MED12L: variants seen among roughly 807,000 people sequenced by gnomAD.
MED12L encodes mediator complex subunit 12L, also known as mediator of RNA polymerase II transcription subunit 12-like protein.
A neutral mutation model predicts 281.3 loss-of-function variants in MED12L; 60 were observed. That is an observed-to-expected ratio of 0.21 (90% CI 0.17 to 0.26). The LOEUF (loss-of-function observed/expected upper bound fraction) is 0.26, where lower values mean the gene tolerates loss of function less well. MED12L is among the 10% of genes least tolerant of loss of function. The pLI is 1.00. For missense variants in MED12L, 2,146 were observed against 2,680.9 expected (o/e 0.80, Z 4.41); for synonymous variants, 974 against 987.2 (o/e 0.99, Z 0.25).
At chr3:151,188,763 T>C (rs1723586517) in intron 13 of MED12L, among the ~76,000 whole-genome samples, 1 of 152,198 alleles carries the variant, frequency 6.6e-6, no homozygotes, top group Non-Finnish European at 1.5e-5. Context: ...TGAATGTGAT[T>C]TGGAATTTTC....
chr3:151,171,030 A>C (rs1056959438), intron 11 of MED12L, among the ~76,000 whole-genome samples: 7 of 152,248 alleles, frequency 4.6e-5, no homozygotes, highest in African/African-American at 1.7e-4. Flanking sequence ...AATACTGTGC[A>C]GCCAGGCAGT....
intron 11 of MED12L, among the ~76,000 whole-genome samples, chr3:151,181,130 T>C (rs1203531851): frequency 2.6e-5 from 4 of 152,146 alleles, no homozygotes; most frequent in African/African-American, 9.7e-5. Context: ...AATCCTAGGC[T>C]TATTTCATAT....
At chr3:151,315,536 T>C (rs968731682) in intron 16 of MED12L, among the ~76,000 whole-genome samples, 1 of 152,194 alleles carries the variant, frequency 6.6e-6, no homozygotes, top group African/African-American at 2.4e-5. Context: ...CCTTAACCCA[T>C]GTATACCTGC....
At position 151,159,975 on chromosome 3, in the gene MED12L, G is replaced by A. The variant is rs761724556; in HGVS notation, c.981G>A (p.Ser327=). 1.7e-5 allele frequency: 28 copies of A among 1,614,174 alleles called. No individual in the cohort carries two copies. The highest frequency in any genetic ancestry group is 4.5e-5 in the East Asian group (2 of 44,882). The change falls in exon 8 of 45, where the codon TCG becomes TCA. Residue 327 remains serine, a synonymous_variant. Transcript: ENST00000687756. The part of the protein sequence containing the change: ...SPHMMIGPNN[S]SIGAPSPGPP... ...ACATGATGATAGGACCAAACAACTC[G>A]AGTATCGGGGCCCCCAGCCCTGGCC...
Position 151,401,879 on chromosome 3 carries a change from C to CT in MED12L, c.5820+7013dup, listed in dbSNP as rs553369686. On this transcript the variant is annotated intron_variant, in intron 39 of 44. Transcript: ENST00000687756. The stretch of plus-strand genomic sequence containing the variant: ...CTTATTACTTATATCTGGTATTTCT[C>CT]TGTTTATTTGAATGATGAGGAAGGT... Among the ~76,000 whole-genome samples, 8 of 152,138 alleles carry CT rather than the reference C, an allele frequency of 5.3e-5. No homozygotes were observed. The East Asian group carries it at 1.5e-3, about 29-fold the overall frequency.
At chr3:151,348,194 A>G (rs561640037) in intron 16 of MED12L, among the ~76,000 whole-genome samples, 1 of 152,264 alleles carries the variant, frequency 6.6e-6, no homozygotes, top group Admixed American at 6.5e-5. Context: ...CAGCCTTCAC[A>G]TGGACATTTA....
chr3:151,269,440 C>CACACAA (rs1315138289), intron 16 of MED12L: 6 of 220,756 alleles, frequency 2.7e-5, no homozygotes, highest in African/African-American at 1.5e-4. Flanking sequence ...CACACACACA[C>CACACAA]AAAATTCAGA....
intron 16 of MED12L, among the ~76,000 whole-genome samples, chr3:151,249,723 A>G (rs1359814779): frequency 6.6e-6 from 1 of 152,114 alleles, no homozygotes; most frequent in Non-Finnish European, 1.5e-5. Flanking sequence ...ATCTGGTTTC[A>G]CAACATTCTG....
Position 151,337,896 on chromosome 3 carries a change from T to C in MED12L, c.2251-12163T>C, listed in dbSNP as rs754141331. 1.1e-5 allele frequency: 17 copies of C among 1,614,150 alleles called. No homozygotes were observed. Among genetic ancestry groups the C allele is most frequent in the Middle Eastern group, 1.6e-4 (1 of 6,062 alleles). ...GTCCTGGGACAGAGATGTTGCAGAA[T>C]TGGGGCACTTCAGCATACTTATCAA... On this transcript the variant is annotated intron_variant, in intron 16 of 44. Coordinates refer to ENST00000687756, the MANE Select transcript of MED12L (RefSeq NM_001393769.1).
At chr3:151,275,574 G>A (rs1741713327) in intron 16 of MED12L, among the ~76,000 whole-genome samples, 1 of 152,156 alleles carries the variant, frequency 6.6e-6, no homozygotes, top group African/African-American at 2.4e-5. Context: ...GGATTGAGAA[G>A]CTTTGCTGTG....
intron 5 of MED12L, among the ~76,000 whole-genome samples, chr3:151,152,085 G>GTT (rs141353889): frequency 0.026 from 1,641 of 63,052 alleles, 261 homozygotes; most frequent in East Asian, 0.033. Flanking sequence ...GTTGAAGGTG[G>GTT]TTTTTTTTTT....
At position 151,384,184 on chromosome 3, in the gene MED12L, A is replaced by G. The variant is rs762523783; in HGVS notation, c.4892A>G (p.Lys1631Arg). The change falls in exon 35 of 45, where the codon AAG becomes AGG. Residue 1631 changes from lysine (K) to arginine (R), a missense_variant. Lys to Arg is a conservative substitution (Grantham distance 26, BLOSUM62 2). This residue lies in a region of MED12L where 212 missense variants were observed against 340.8 expected (regional missense o/e 0.62). Transcript: ENST00000687756. The stretch of plus-strand genomic sequence containing the variant: ...TCCCCTGGGGGATCTGAAGAGAACA[A>G]GCGTGCATACATGAATTTAGTAAAG... ...NASPGGSEEN[K>R]RAYMNLVKKL... The G allele has an allele frequency of 6.2e-7, 1 of 1,611,948 alleles. No homozygotes were observed. Among genetic ancestry groups the G allele is most frequent in the Non-Finnish European group, 8.5e-7 (1 of 1,179,468 alleles).
chr3:151,305,961 C>T (rs977889780), intron 16 of MED12L, among the ~76,000 whole-genome samples: 1 of 152,188 alleles, frequency 6.6e-6, no homozygotes, highest in Non-Finnish European at 1.5e-5. Context: ...TATTAGTTGC[C>T]TCTTCCTGAT....
Position 151,190,585 on chromosome 3 carries a change from A to G in MED12L, c.1754-132A>G, listed in dbSNP as rs576904917. ...CTGCCCAAAATGCTAGTGCCTCAGT[A>G]AATCTTCCAATAGATCTTTTTTTTC... On this transcript the variant is annotated intron_variant, in intron 13 of 44. Coordinates refer to ENST00000687756, the MANE Select transcript of MED12L (RefSeq NM_001393769.1). 117 of 826,146 alleles carry G rather than the reference A, an allele frequency of 1.4e-4. 5 individuals carry two copies. The South Asian group carries it at 2.1e-3, about 15-fold the overall frequency. 51.2% of individuals were successfully genotyped at this position (826,146 alleles called of 1,614,324 possible).
chr3:151,153,974 G>A (rs143162470), intron 5 of MED12L, among the ~76,000 whole-genome samples: 31 of 152,198 alleles, frequency 2.0e-4, no homozygotes, highest in Admixed American at 1.1e-3. Context: ...AAAAGTTCCC[G>A]TCACCATTCT....
rs1410328371 is a variant in MED12L, at chr3:151,434,829, CTT to C, written c.*2027_*2028del. On this transcript the variant is annotated 3_prime_UTR_variant, in exon 45 of 45. Transcript: ENST00000687756. ...TATAATTGCATAGCATTTGTATGCA[CTT>C]TATACTTTGCAGAGGTGAGTTAAAT... 6.6e-6 allele frequency: 1 copy of C among 152,166 alleles called. No homozygotes were observed. The highest frequency in any genetic ancestry group is 1.9e-4 in the East Asian group (1 of 5,204). The allele number at this position is 152,166 out of a possible 1,614,324, so 9.4% of individuals were successfully genotyped here.
chr3:151,365,322 T>A, intron 22 of MED12L, 116 bp downstream of exon 22: 1 of 768,764 alleles, frequency 1.3e-6, no homozygotes, highest in East Asian at 2.6e-5. Context: ...CATTTGCTTT[T>A]TCTAAATCTT....
intron 16 of MED12L, chr3:151,294,759 C>G (rs1275779551): frequency 1.7e-5 from 27 of 1,614,050 alleles, no homozygotes; most frequent in Non-Finnish European, 2.3e-5. Context: ...CAAACACAAA[C>G]AGATAAAACC....
intron 8 of MED12L, among the ~76,000 whole-genome samples, chr3:151,160,439 T>C (rs1029143786): frequency 6.6e-6 from 1 of 152,196 alleles, no homozygotes; most frequent in Non-Finnish European, 1.5e-5. Flanking sequence ...TTTTAATCTT[T>C]CTAAGTTCAC....
Sources: gnomAD v4.1 joint callset for allele counts (sites outside exome capture counted in the v4.1 genomes callset) on GRCh38, gnomAD v4.1.1 for gene constraint, gnomAD v4.1.1 regional missense constraint, MANE v1.5 for transcripts, NCBI Gene and HGNC (gene_info 2026-07-23, HGNC 2026-07-21) for gene names.